Variants in CCDC33 observed in about 807,000 individuals in gnomAD.
CCDC33 encodes coiled-coil domain-containing protein 33.
A neutral mutation model predicts 91.9 loss-of-function variants in CCDC33; 94 were observed. The ratio of observed to expected loss-of-function variants is 1.02; its 90% CI spans 0.87 to 1.21. The LOEUF (loss-of-function observed/expected upper bound fraction) is 1.21, where lower values mean the gene tolerates loss of function less well. CCDC33 is among the 50% of genes most tolerant of loss of function. The pLI is 0.00. For synonymous variants in CCDC33, 396 were observed against 374.5 expected, an observed-to-expected ratio of 1.06 and a Z score of -0.66; for missense variants, 940 against 935.5, an observed-to-expected ratio of 1.00 and a Z score of -0.06.
chr15:74,245,827 G>T (rs1348979825), intron 2 of CCDC33, among the ~76,000 whole-genome samples: 1 of 152,198 alleles, frequency 6.6e-6, no homozygotes, highest in Non-Finnish European at 1.5e-5. Flanking sequence ...TGGGAGCAGC[G>T]CCCGGGCCAG....
intron 11 of CCDC33, among the ~76,000 whole-genome samples, chr15:74,308,011 C>T (rs1223428682): frequency 6.6e-6 from 1 of 151,928 alleles, no homozygotes; most frequent in Non-Finnish European, 1.5e-5. Context: ...GGAGGACAGG[C>T]CCTGGAAGCA....
In CCDC33 at chr15:74,309,047, C is replaced by T. The variant is rs192833217; in HGVS notation, c.1290+13099C>T. ...GCTGGCTCAGGATCTGGGAGCTGAC[C>T]GTCCAGATGGGGCCCTCCTGCCTAC... On this transcript the variant is annotated intron_variant, in intron 11 of 18. Coordinates refer to ENST00000398814, the MANE Select transcript of CCDC33 (RefSeq NM_025055.5). Among the ~76,000 whole-genome samples the T allele has an allele frequency of 2.2e-3, 332 of 152,226 alleles. 1 individual carries two copies. The highest frequency in any genetic ancestry group is 3.8e-3 in the Non-Finnish European group (258 of 67,988).
intron 2 of CCDC33, among the ~76,000 whole-genome samples, chr15:74,222,892 C>A (rs1292386209): frequency 4.0e-5 from 6 of 150,936 alleles, no homozygotes; most frequent in Non-Finnish European, 8.8e-5. Context: ...GCCTTTAAGG[C>A]CCAAGCACTC....
upstream of CCDC33, among the ~76,000 whole-genome samples, chr15:74,232,149 G>T (rs1035149561): frequency 6.6e-6 from 1 of 152,204 alleles, no homozygotes; most frequent in East Asian, 1.9e-4. Context: ...GGGTGTGAAG[G>T]GGCTGGTGGT....
Position 74,281,481 on chromosome 15 carries a change from A to T in CCDC33, c.1024-297A>T, listed in dbSNP as rs190533327. On this transcript the variant is annotated intron_variant, in intron 9 of 18. Coordinates refer to ENST00000398814, the MANE Select transcript of CCDC33 (RefSeq NM_025055.5). ...ATCGTTACCATCATTCTCTATTCCT[A>T]TGCCACCATTTCCCCTAAAATACTT... is the stretch of plus-strand genomic sequence containing the variant. Among the ~76,000 whole-genome samples the T allele has an allele frequency of 4.1e-4, 63 of 152,340 alleles. 1 individual carries two copies. The East Asian group carries it at 0.012, about 28-fold the overall frequency.
At chr15:74,209,430 C>A in exon 2 of CCDC33, 5 of 1,535,570 alleles carry the variant, frequency 3.3e-6, no homozygotes, top group South Asian at 2.4e-5. Context: ...ACCACCAGCT[C>A]GGCTCTTAAT....
intron 2 of CCDC33, among the ~76,000 whole-genome samples, chr15:74,251,874 G>C (rs2075721115): frequency 6.6e-6 from 1 of 152,092 alleles, no homozygotes; most frequent in African/African-American, 2.4e-5. Context: ...GCAAGAGGGG[G>C]GATAAAGAAG....
chr15:74,228,579 G>C (rs777670548), intron 2 of CCDC33, among the ~76,000 whole-genome samples: 6 of 152,236 alleles, frequency 3.9e-5, no homozygotes, highest in Non-Finnish European at 8.8e-5. Context: ...AGCAGTTGAG[G>C]GGCTGGGCCA....
At chr15:74,279,505 G>T (rs1019543187) in intron 7 of CCDC33, among the ~76,000 whole-genome samples, 2 of 152,042 alleles carry the variant, frequency 1.3e-5, no homozygotes, top group African/African-American at 4.8e-5. Context: ...TATTAGGTGT[G>T]TGCTGCATTT....
intron 11 of CCDC33, among the ~76,000 whole-genome samples, chr15:74,321,014 G>C (rs1037004731): frequency 6.6e-6 from 1 of 152,072 alleles, no homozygotes; most frequent in Non-Finnish European, 1.5e-5. Flanking sequence ...CTGGGAGTAA[G>C]GGGACTTCTT....
chr15:74,315,864 G>A (rs936792772), intron 11 of CCDC33, among the ~76,000 whole-genome samples: 1 of 152,152 alleles, frequency 6.6e-6, no homozygotes, highest in Admixed American at 6.5e-5. Flanking sequence ...AGGGGGACAG[G>A]AGCAGGACCA....
intron 2 of CCDC33, among the ~76,000 whole-genome samples, chr15:74,250,390 C>G (rs1307084387): frequency 6.6e-6 from 1 of 152,178 alleles, no homozygotes; most frequent in Middle Eastern, 3.2e-3. Context: ...TCTCTTTGCT[C>G]CAGCCACACT....
intron 10 of CCDC33, among the ~76,000 whole-genome samples, chr15:74,295,177 CT>C: frequency 6.6e-6 from 1 of 152,322 alleles, no homozygotes; most frequent in East Asian, 1.9e-4. Context: ...TTCATTTATT[CT>C]TCCACCAAAA....
chr15:74,272,006 T>C (rs1451859843), intron 6 of CCDC33, among the ~76,000 whole-genome samples: 1 of 152,120 alleles, frequency 6.6e-6, no homozygotes, highest in African/African-American at 2.4e-5. Context: ...CCCAGGCCCC[T>C]GGAAAGGGGC....
upstream of CCDC33, among the ~76,000 whole-genome samples, chr15:74,214,555 A>G (rs1459399167): frequency 6.6e-6 from 1 of 152,204 alleles, no homozygotes; most frequent in Non-Finnish European, 1.5e-5. Flanking sequence ...CCCTGGGCTC[A>G]GTTTCTTCAT....
chr15:74,221,226 T>C, intron 2 of CCDC33: 1 of 973,554 alleles, frequency 1.0e-6, no homozygotes, highest in Non-Finnish European at 1.2e-6. Context: ...GTTTTTTTTT[T>C]TTTTTTTTTT....
intron 1 of CCDC33, chr15:74,207,644 G>T (rs2074289915): frequency 6.7e-7 from 1 of 1,484,582 alleles, no homozygotes; most frequent in Non-Finnish European, 9.1e-7. Flanking sequence ...TAGCACGGAA[G>T]AGAACACGCA....
intron 15 of CCDC33, among the ~76,000 whole-genome samples, chr15:74,332,289 A>G (rs959848932): frequency 1.3e-5 from 2 of 152,112 alleles, no homozygotes; most frequent in Admixed American, 6.5e-5. Context: ...TTAGAATGCA[A>G]TGAAAGCTGG....
downstream of CCDC33, chr15:74,336,282 C>T: frequency 7.1e-7 from 1 of 1,412,772 alleles, no homozygotes; most frequent in Non-Finnish European, 9.3e-7. Flanking sequence ...TTTGGAAAGC[C>T]AAGGGCCACA....
Sources: gnomAD v4.1 joint callset for allele counts (sites outside exome capture counted in the v4.1 genomes callset) on GRCh38, gnomAD v4.1.1 for gene constraint, MANE v1.5 for transcripts, NCBI Gene and HGNC (gene_info 2026-07-23, HGNC 2026-07-21) for gene names.